Variants in FGF14 observed in about 807,000 individuals in gnomAD.
FGF14 encodes fibroblast growth factor 14, also known as fibroblast growth factor homologous factor 4.
In FGF14, 5 loss-of-function variants were observed where a neutral mutation model predicts 25.5. The ratio of observed to expected loss-of-function variants is 0.20; its 90% CI spans 0.10 to 0.41. The LOEUF (loss-of-function observed/expected upper bound fraction) is 0.41, where lower values mean the gene tolerates loss of function less well. FGF14 is among the 10% of genes least tolerant of loss of function. The pLI is 1.00. For synonymous variants in FGF14, 138 were observed against 118.3 expected, an observed-to-expected ratio of 1.17 and a Z score of -1.08; for missense variants, 222 against 320.1, an observed-to-expected ratio of 0.69 and a Z score of 2.34.
chr13:101,839,175 G>A (rs2043079508), intron 3 of FGF14, among the ~76,000 whole-genome samples: 1 of 152,024 alleles, frequency 6.6e-6, no homozygotes, highest in South Asian at 2.1e-4. Context: ...TCACCGCACT[G>A]TTCCATGTCT....
chr13:102,231,233 T>G (rs953155180), intron 1 of FGF14, among the ~76,000 whole-genome samples: 1 of 152,206 alleles, frequency 6.6e-6, no homozygotes. Context: ...AAGAGCTGTT[T>G]ACACGGAACA....
chr13:101,820,605 A>G (rs1029996004), intron 3 of FGF14, among the ~76,000 whole-genome samples: 3 of 152,252 alleles, frequency 2.0e-5, no homozygotes, highest in Admixed American at 1.3e-4. Context: ...TCATTTATGT[A>G]GATAGTATCT....
Position 102,074,255 on chromosome 13 carries a change from C to G in FGF14, c.209-198959G>C, listed in dbSNP as rs144199362. ...TCTCAAACTTCTGGACTCAAATCAT[C>G]CTCCTTCATTGGCCTCCAAAGTGCT... On this transcript the variant is annotated intron_variant, in intron 1 of 4. Transcript: ENST00000376131. Among the ~76,000 whole-genome samples, 294 of 152,264 alleles carry G rather than the reference C, an allele frequency of 1.9e-3. 2 individuals are homozygous for G. The highest frequency in any genetic ancestry group is 6.7e-3 in the African/African-American group (280 of 41,544).
At chr13:102,208,834 C>T (rs150902379) in intron 1 of FGF14, among the ~76,000 whole-genome samples, 1 of 152,202 alleles carries the variant, frequency 6.6e-6, no homozygotes, top group East Asian at 1.9e-4. Flanking sequence ...CAGCTGTCCC[C>T]CTGTTGAATA....
intron 3 of FGF14, among the ~76,000 whole-genome samples, chr13:101,856,794 G>A (rs1473115445): frequency 1.3e-5 from 2 of 151,898 alleles, no homozygotes; most frequent in Non-Finnish European, 2.9e-5. Flanking sequence ...CTATAAGCAA[G>A]AAAGACATTG....
intron 1 of FGF14, among the ~76,000 whole-genome samples, chr13:102,166,188 A>G (rs1566772198): frequency 6.8e-6 from 1 of 147,888 alleles, no homozygotes; most frequent in East Asian, 1.9e-4. Flanking sequence ...ATTTAAAAAA[A>G]AAAAGAAAAG....
intron 1 of FGF14, among the ~76,000 whole-genome samples, chr13:101,978,845 C>T (rs1311423683): frequency 1.3e-5 from 2 of 152,116 alleles, no homozygotes; most frequent in Non-Finnish European, 2.9e-5. Flanking sequence ...AATTAATTTC[C>T]CCCAGCTCTG....
intron 1 of FGF14, among the ~76,000 whole-genome samples, chr13:101,906,719 C>A (rs1211694471): frequency 6.6e-6 from 1 of 152,096 alleles, no homozygotes; most frequent in Non-Finnish European, 1.5e-5. Flanking sequence ...ATTGCCAGCT[C>A]TTTGCCATTT....
chr13:102,028,934 T>C (rs544231662), intron 1 of FGF14, among the ~76,000 whole-genome samples: 1 of 152,042 alleles, frequency 6.6e-6, no homozygotes, highest in East Asian at 1.9e-4. Context: ...AGAATGTGCC[T>C]TTTCTCTCCA....
chr13:102,281,981 T>A (rs996826445), intron 1 of FGF14, among the ~76,000 whole-genome samples: 6 of 151,960 alleles, frequency 3.9e-5, no homozygotes, highest in Non-Finnish European at 8.8e-5. Context: ...TGCAGCAACT[T>A]CTTCTACCAT....
intron 1 of FGF14, among the ~76,000 whole-genome samples, chr13:102,364,445 C>T (rs16960107): frequency 0.031 from 4,687 of 152,292 alleles, 249 homozygotes; most frequent in African/African-American, 0.11. Context: ...GGTTCTTCTA[C>T]AGACTGAGTT....
At chr13:101,914,214 TA>T (rs1386513420) in intron 1 of FGF14, among the ~76,000 whole-genome samples, 4 of 151,016 alleles carry the variant, frequency 2.6e-5, no homozygotes, top group Non-Finnish European at 5.9e-5. Flanking sequence ...TATATTGTTA[TA>T]TATAATAATA....
chr13:102,372,461 C>T (rs1413929563), intron 1 of FGF14, among the ~76,000 whole-genome samples: 1 of 152,164 alleles, frequency 6.6e-6, no homozygotes, highest in African/African-American at 2.4e-5. Context: ...GCGATGAAGA[C>T]ATGCCAGGAA....
chr13:102,115,888 G>T, intron 1 of FGF14, among the ~76,000 whole-genome samples: 1 of 152,220 alleles, frequency 6.6e-6, no homozygotes, highest in Admixed American at 6.5e-5. Flanking sequence ...AAGGCAGGTG[G>T]ATCACCTGAG....
At chr13:101,902,337 G>T (rs1288143158) in intron 1 of FGF14, among the ~76,000 whole-genome samples, 1 of 151,560 alleles carries the variant, frequency 6.6e-6, no homozygotes, top group Non-Finnish European at 1.5e-5. Context: ...TCTATCTAAG[G>T]TTCTTTACAG....
chr13:102,029,202 T>G (rs560776180), intron 1 of FGF14, among the ~76,000 whole-genome samples: 8 of 152,182 alleles, frequency 5.3e-5, no homozygotes, highest in African/African-American at 1.9e-4. Context: ...CAAAGTCAAG[T>G]GCCAGATCTA....
At chr13:101,781,632 A>C (rs1594226508) in intron 3 of FGF14, among the ~76,000 whole-genome samples, 2 of 152,346 alleles carry the variant, frequency 1.3e-5, no homozygotes, top group East Asian at 3.9e-4. Flanking sequence ...TTTAGAATTT[A>C]AATTGCCCAA....
chr13:101,773,116 G>A (rs1009547479), intron 3 of FGF14, among the ~76,000 whole-genome samples: 3 of 152,116 alleles, frequency 2.0e-5, no homozygotes, highest in Non-Finnish European at 4.4e-5. Flanking sequence ...GAAGCAGGAG[G>A]TGATGCCTAT....
At chr13:101,769,228 G>C (rs1332416262) in intron 3 of FGF14, among the ~76,000 whole-genome samples, 1 of 152,072 alleles carries the variant, frequency 6.6e-6, no homozygotes, top group African/African-American at 2.4e-5. Flanking sequence ...TATGTCATCA[G>C]GGAAATGCAC....
Sources: gnomAD v4.1 joint callset for allele counts (sites outside exome capture counted in the v4.1 genomes callset) on GRCh38, gnomAD v4.1.1 for gene constraint, MANE v1.5 for transcripts, NCBI Gene and HGNC (gene_info 2026-07-23, HGNC 2026-07-21) for gene names.